Variants in CNTNAP2 observed in about 807,000 individuals in gnomAD.
CNTNAP2 encodes contactin-associated protein-like 2.
Under a neutral mutation model 155.2 loss-of-function variants are expected in CNTNAP2, and 98 were observed. That is an observed-to-expected ratio of 0.63 (90% CI 0.54 to 0.75). The LOEUF (loss-of-function observed/expected upper bound fraction) is 0.75. Among genes scored for constraint, CNTNAP2 ranks in the 30% least tolerant of loss-of-function variants. The pLI, the probability that CNTNAP2 is intolerant of heterozygous loss-of-function variation, is 0.00. For synonymous variants in CNTNAP2, 651 were observed against 631.2 expected (o/e 1.03, Z -0.47); for missense variants, 1,727 against 1,688.1 (o/e 1.02, Z -0.40).
intron 1 of CNTNAP2, among the ~76,000 whole-genome samples, chr7:146,244,186 G>A (rs915123467): frequency 5.3e-5 from 8 of 152,130 alleles, no homozygotes; most frequent in African/African-American, 1.4e-4. Flanking sequence ...GCCTAAGGAG[G>A]TTCAGCATAG....
chr7:146,668,105 T>A (rs925754634), intron 1 of CNTNAP2, among the ~76,000 whole-genome samples: 3 of 152,106 alleles, frequency 2.0e-5, no homozygotes, highest in African/African-American at 7.2e-5. Flanking sequence ...GTTAATTGTG[T>A]GTTTGTAATA....
At chr7:146,490,903 T>C (rs1274352151) in intron 1 of CNTNAP2, among the ~76,000 whole-genome samples, 1 of 152,172 alleles carries the variant, frequency 6.6e-6, no homozygotes, top group Admixed American at 6.5e-5. Flanking sequence ...TTTCTCACTT[T>C]GTAATGGTGA....
At chr7:147,371,755 G>C (rs1020499077) in intron 9 of CNTNAP2, among the ~76,000 whole-genome samples, 1 of 152,092 alleles carries the variant, frequency 6.6e-6, no homozygotes, top group Non-Finnish European at 1.5e-5. Flanking sequence ...CTCCAGGGGT[G>C]CTCACTTATG....
chr7:146,721,397 ACATT>A (rs1235639173), intron 1 of CNTNAP2, among the ~76,000 whole-genome samples: 1 of 128,998 alleles, frequency 7.8e-6, no homozygotes, highest in African/African-American at 3.0e-5. Context: ...CATTCTATAT[ACATT>A]CTATATATAT....
At chr7:146,648,451 A>G (rs1799852153) in intron 1 of CNTNAP2, among the ~76,000 whole-genome samples, 2 of 152,146 alleles carry the variant, frequency 1.3e-5, no homozygotes. Context: ...CAAAGCAAAA[A>G]GTCTACAAAC....
At chr7:146,882,054 G>A (rs1366975973) in intron 3 of CNTNAP2, among the ~76,000 whole-genome samples, 3 of 151,972 alleles carry the variant, frequency 2.0e-5, no homozygotes, top group African/African-American at 7.2e-5. Context: ...TATAAGTGAA[G>A]ATACGCAGTA....
intron 13 of CNTNAP2, among the ~76,000 whole-genome samples, chr7:147,753,788 A>G (rs1443174358): frequency 6.6e-6 from 1 of 152,204 alleles, no homozygotes; most frequent in African/African-American, 2.4e-5. Context: ...GAGGCTTCGT[A>G]CAAACTAAAG....
intron 21 of CNTNAP2, among the ~76,000 whole-genome samples, chr7:148,370,334 G>A (rs995958800): frequency 2.6e-5 from 4 of 152,160 alleles, no homozygotes; most frequent in Admixed American, 6.5e-5. Flanking sequence ...TCTGGTCTCC[G>A]GTTCCTGGAG....
At position 148,419,397 on chromosome 7, in the gene CNTNAP2, A is replaced by C. The variant is rs930887458; in HGVS notation, c.*3781A>C. The C allele has an allele frequency of 4.6e-5, 7 of 152,492 alleles. No individual in the cohort carries two copies. The highest frequency in any genetic ancestry group is 1.7e-4 in the African/African-American group (7 of 41,416). 9.4% of individuals were successfully genotyped at this position (152,492 alleles called of 1,614,324 possible). A position where few individuals can be genotyped will look rare whatever the true frequency, so the allele number is the denominator to read the frequency against. ...CCCCAGCTGACTTCAGCTAAGAACC[A>C]ATGGCTCCTACCCCCGCCCCGCTTT... is the stretch of plus-strand genomic sequence containing the variant. On this transcript the variant is annotated 3_prime_UTR_variant, in exon 24 of 24. Transcript: ENST00000361727.
intron 1 of CNTNAP2, among the ~76,000 whole-genome samples, chr7:146,267,119 G>A (rs1225952489): frequency 6.6e-6 from 1 of 152,114 alleles, no homozygotes; most frequent in African/African-American, 2.4e-5. Context: ...AGGAAAGAAG[G>A]GAAGATGTCC....
intron 1 of CNTNAP2, among the ~76,000 whole-genome samples, chr7:146,415,892 A>G (rs564958849): frequency 6.6e-6 from 1 of 152,266 alleles, no homozygotes; most frequent in South Asian, 2.1e-4. Flanking sequence ...TTCAGTTGAT[A>G]ACAATGTCTG....
intron 1 of CNTNAP2, among the ~76,000 whole-genome samples, chr7:146,743,703 A>C (rs1801758784): frequency 6.6e-6 from 1 of 152,308 alleles, no homozygotes; most frequent in South Asian, 2.1e-4. Flanking sequence ...AGTAGCACCA[A>C]GAATAATGCC....
intron 20 of CNTNAP2, among the ~76,000 whole-genome samples, chr7:148,260,722 T>G (rs12538984): frequency 0.14 from 20,733 of 152,132 alleles, 1,658 homozygotes; most frequent in African/African-American, 0.21. Flanking sequence ...CCTCGGTGGG[T>G]GTCTGACCGT....
At chr7:147,140,264 A>T (rs1173168078) in intron 8 of CNTNAP2, among the ~76,000 whole-genome samples, 1 of 151,790 alleles carries the variant, frequency 6.6e-6, no homozygotes, top group Non-Finnish European at 1.5e-5. Context: ...TGTCTTTCCG[A>T]GATTGAATCT....
intron 14 of CNTNAP2, among the ~76,000 whole-genome samples, chr7:147,958,127 G>A (rs187521438): frequency 2.0e-5 from 3 of 152,174 alleles, no homozygotes; most frequent in African/African-American, 7.2e-5. Context: ...AAGCAAAGAC[G>A]CTTTAACTTT....
At chr7:146,854,437 G>A (rs1457193077) in intron 3 of CNTNAP2, among the ~76,000 whole-genome samples, 1 of 152,096 alleles carries the variant, frequency 6.6e-6, no homozygotes, top group African/African-American at 2.4e-5. Flanking sequence ...TTGGAATCAA[G>A]GTACACCTCT....
chr7:146,604,716 C>T lies in CNTNAP2; in HGVS notation c.98-169555C>T, dbSNP rs1206813532. On this transcript the variant is annotated intron_variant, in intron 1 of 23. Transcript: ENST00000361727. ...TAGACTGGATGAAGAAAATGTGGCA[C>T]ATATACACCATGGAATACTATGCAG... Among the ~76,000 whole-genome samples, 33 of 135,930 alleles carry T rather than the reference C, an allele frequency of 2.4e-4. 1 individual carries two copies. The highest frequency in any genetic ancestry group is 7.5e-4 in the African/African-American group (28 of 37,352). The allele number at this position is 135,930 out of a possible 152,430, so 89.2% of individuals were successfully genotyped here.
intron 3 of CNTNAP2, among the ~76,000 whole-genome samples, chr7:146,885,660 C>A (rs943934027): frequency 3.9e-5 from 6 of 152,034 alleles, no homozygotes; most frequent in African/African-American, 1.2e-4. Context: ...TTCAGAACTT[C>A]TTTTTGCAAG....
chr7:148,096,923 A>G (rs927675887), intron 15 of CNTNAP2, among the ~76,000 whole-genome samples: 4 of 152,168 alleles, frequency 2.6e-5, no homozygotes, highest in Non-Finnish European at 5.9e-5. Context: ...GAGTCTGAGG[A>G]GAAGGGTTGG....
Sources: allele counts gnomAD v4.1 joint callset (sites outside exome capture counted in the v4.1 genomes callset), GRCh38; gene constraint gnomAD v4.1.1; transcripts MANE v1.5; gene names NCBI Gene and HGNC (gene_info 2026-07-23, HGNC 2026-07-21).